Variants in PKNOX2 observed in about 807,000 individuals in gnomAD.
The protein encoded by PKNOX2 is homeobox protein PKNOX2.
A neutral mutation model predicts 53.1 loss-of-function variants in PKNOX2; 14 were observed. The ratio of observed to expected loss-of-function variants is 0.26; its 90% CI spans 0.17 to 0.41. The LOEUF is 0.41. PKNOX2 is among the 10% of genes least tolerant of loss of function. PKNOX2 has a pLI of 1.00. For synonymous variants in PKNOX2, 257 were observed against 242.8 expected, an observed-to-expected ratio of 1.06 and a Z score of -0.54; for missense variants, 496 against 602.8, an observed-to-expected ratio of 0.82 and a Z score of 1.85.
intron 2 of PKNOX2, among the ~76,000 whole-genome samples, chr11:125,256,937 T>C (rs1476809901): frequency 1.3e-5 from 2 of 152,164 alleles, no homozygotes. Flanking sequence ...GATAATTAAG[T>C]TGCATTTCTG....
intron 1 of PKNOX2, among the ~76,000 whole-genome samples, chr11:125,208,589 G>A (rs932127093): frequency 4.6e-5 from 7 of 152,058 alleles, no homozygotes; most frequent in Non-Finnish European, 7.4e-5. Flanking sequence ...ACAGGAGAAA[G>A]TGAATATGAG....
chr11:125,235,578 C>T (rs769568687), intron 2 of PKNOX2, among the ~76,000 whole-genome samples: 3 of 152,180 alleles, frequency 2.0e-5, no homozygotes, highest in Admixed American at 6.5e-5. Context: ...TGCTGCTGAC[C>T]GCTTCCCTTC....
At chr11:125,250,768 C>A (rs545258335) in intron 2 of PKNOX2, among the ~76,000 whole-genome samples, 1 of 152,350 alleles carries the variant, frequency 6.6e-6, no homozygotes, top group Non-Finnish European at 1.5e-5. Context: ...GGCTTTCACA[C>A]AACATAGATG....
rs574996166 is a variant in PKNOX2 at position 125,358,028 on chromosome 11, T to C, written c.87+6636T>C. ...GGCCTTAGTTTCTGCATTCATAAAA[T>C]GAGAATAACTCTGCCCTCCCTGTCT... On this transcript the variant is annotated intron_variant, in intron 4 of 12. Transcript: ENST00000298282. 3.3e-5 allele frequency among the ~76,000 whole-genome samples: 5 copies of C among 152,166 alleles called. No homozygotes were observed. The East Asian group carries it at 9.7e-4, about 29-fold the overall frequency.
intron 1 of PKNOX2, among the ~76,000 whole-genome samples, chr11:125,189,447 GTATATATATATATATA>G (rs58968290): frequency 1.4e-3 from 32 of 23,456 alleles, no homozygotes; most frequent in Middle Eastern, 0.024. Flanking sequence ...GTGTGTGTGT[GTATATATATATATATA>G]TATATATATA....
intron 1 of PKNOX2, among the ~76,000 whole-genome samples, chr11:125,167,128 G>A (rs1348348931): frequency 2.6e-5 from 4 of 151,170 alleles, no homozygotes; most frequent in Non-Finnish European, 5.9e-5. Context: ...GGGGTGTGGG[G>A]TGGGAAGGGG....
At chr11:125,171,882 G>A (rs1235413761) in intron 1 of PKNOX2, among the ~76,000 whole-genome samples, 1 of 152,200 alleles carries the variant, frequency 6.6e-6, no homozygotes, top group East Asian at 1.9e-4. Flanking sequence ...AGTAGAGAGG[G>A]CACATACAAT....
chr11:125,399,077 G>A (rs1246548207), intron 7 of PKNOX2, among the ~76,000 whole-genome samples: 1 of 152,208 alleles, frequency 6.6e-6, no homozygotes, highest in Admixed American at 6.5e-5. Flanking sequence ...CTTCTAGAAG[G>A]CCAGCCTTGC....
intron 2 of PKNOX2, among the ~76,000 whole-genome samples, chr11:125,269,322 T>C (rs1395753426): frequency 1.3e-5 from 2 of 152,160 alleles, no homozygotes; most frequent in African/African-American, 4.8e-5. Context: ...GAAATGCTCA[T>C]TTTATTTCTC....
intron 1 of PKNOX2, among the ~76,000 whole-genome samples, chr11:125,206,572 A>C (rs1428695016): frequency 6.6e-6 from 1 of 152,084 alleles, no homozygotes; most frequent in Admixed American, 6.5e-5. Flanking sequence ...GGCAGCATGA[A>C]ATAGCGGCTG....
chr11:125,181,643 A>C (rs947562594), intron 1 of PKNOX2, among the ~76,000 whole-genome samples: 1 of 152,194 alleles, frequency 6.6e-6, no homozygotes, highest in Non-Finnish European at 1.5e-5. Flanking sequence ...TCTCCCATAG[A>C]AATAGTTCCC....
In PKNOX2 at chr11:125,432,645, A is replaced by C. The variant is rs984674081; in HGVS notation, c.*1253A>C. 2 of 152,776 alleles carry C rather than the reference A, an allele frequency of 1.3e-5. No individual in the cohort carries two copies. Among genetic ancestry groups the C allele is most frequent in the Non-Finnish European group, 2.9e-5 (2 of 68,168 alleles). The allele number at this position is 152,776 out of a possible 1,614,324, so 9.5% of individuals were successfully genotyped here. On this transcript the variant is annotated 3_prime_UTR_variant, in exon 13 of 13. Coordinates refer to ENST00000298282, the MANE Select transcript of PKNOX2 (RefSeq NM_001382323.2). ...AACTGGGGCTCCTGGAAGGAGGAGGAGGCTCTCCACTGTCCACCCTAACAC... is the reference window on the plus strand; with the variant it reads ...AACTGGGGCTCCTGGAAGGAGGAGGCGGCTCTCCACTGTCCACCCTAACAC...
chr11:125,167,811 A>G (rs1955006132), intron 1 of PKNOX2, among the ~76,000 whole-genome samples: 1 of 152,180 alleles, frequency 6.6e-6, no homozygotes, highest in African/African-American at 2.4e-5. Flanking sequence ...GGGCCTGTTT[A>G]AAAAGAGGGA....
intron 6 of PKNOX2, among the ~76,000 whole-genome samples, chr11:125,388,279 A>G (rs1405298265): frequency 6.6e-6 from 1 of 152,060 alleles, no homozygotes; most frequent in African/African-American, 2.4e-5. Flanking sequence ...AAAAGGTCAG[A>G]TCGCGTCATT....
chr11:125,334,887 A>C (rs1392167996), intron 3 of PKNOX2, among the ~76,000 whole-genome samples: 1 of 152,132 alleles, frequency 6.6e-6, no homozygotes, highest in Non-Finnish European at 1.5e-5. Context: ...TACAGGCATG[A>C]GCCACTGCGC....
At chr11:125,382,118 C>T (rs1474121152) in intron 5 of PKNOX2, among the ~76,000 whole-genome samples, 1 of 152,228 alleles carries the variant, frequency 6.6e-6, no homozygotes, top group East Asian at 1.9e-4. Context: ...ACACATATTG[C>T]ATACAAACAG....
chr11:125,211,636 GCCTGCCCTCCTGGCC>G (rs1329054634), intron 1 of PKNOX2, among the ~76,000 whole-genome samples: 4 of 152,104 alleles, frequency 2.6e-5, no homozygotes, highest in Non-Finnish European at 4.4e-5. Context: ...GGTCTTCTGG[GCCTGCCCTCCTGGCC>G]CCTGCAGCTT....
At chr11:125,375,512 C>T (rs1952782953) in intron 5 of PKNOX2, among the ~76,000 whole-genome samples, 2 of 152,252 alleles carry the variant, frequency 1.3e-5, no homozygotes, top group South Asian at 4.1e-4. Context: ...TAAATCTCAA[C>T]TCAGTTACTG....
intron 1 of PKNOX2, among the ~76,000 whole-genome samples, chr11:125,203,824 G>A (rs1374470381): frequency 6.6e-6 from 1 of 152,126 alleles, no homozygotes; most frequent in Non-Finnish European, 1.5e-5. Context: ...GTGTGCCCAT[G>A]TCCCCCGAAG....
Sources: allele counts gnomAD v4.1 joint callset (sites outside exome capture counted in the v4.1 genomes callset), GRCh38; gene constraint gnomAD v4.1.1; transcripts MANE v1.5; gene names NCBI Gene and HGNC (gene_info 2026-07-23, HGNC 2026-07-21).